The following GALNT17 variants were observed in gnomAD, a reference collection of about 807,000 sequenced individuals.
GALNT17 encodes the protein polypeptide N-acetylgalactosaminyltransferase 17.
A neutral mutation model predicts 63.7 loss-of-function variants in GALNT17; 29 were observed. The observed-to-expected ratio is 0.46, with a 90% CI of 0.34 to 0.62. The LOEUF is 0.62. Ranked by LOEUF, GALNT17 falls within the 20% of genes least tolerant of loss-of-function variation. The pLI is 0.01. For missense variants in GALNT17, 603 were observed against 799.6 expected (o/e 0.75, Z 2.97); for synonymous variants, 305 against 318.3 (o/e 0.96, Z 0.45).
intron 1 of GALNT17, among the ~76,000 whole-genome samples, chr7:71,185,907 T>C (rs569398084): frequency 6.6e-6 from 1 of 152,206 alleles, no homozygotes; most frequent in Non-Finnish European, 1.5e-5. Context: ...AGAGAAAATA[T>C]ATGAAGCACA....
chr7:71,305,572 G>A (rs1791275061), intron 1 of GALNT17, among the ~76,000 whole-genome samples: 1 of 152,134 alleles, frequency 6.6e-6, no homozygotes, highest in Non-Finnish European at 1.5e-5. Flanking sequence ...CAGGACCTCT[G>A]TAAGCCCCTT....
At chr7:71,629,796 C>A (rs1562716079) in intron 6 of GALNT17, among the ~76,000 whole-genome samples, 1 of 152,096 alleles carries the variant, frequency 6.6e-6, no homozygotes, top group African/African-American at 2.4e-5. Flanking sequence ...TATTTTTAAA[C>A]TTTTTTATAG....
intron 6 of GALNT17, among the ~76,000 whole-genome samples, chr7:71,613,379 T>C (rs1055491835): frequency 4.6e-5 from 7 of 152,320 alleles, no homozygotes; most frequent in Admixed American, 2.0e-4. Context: ...CAAACAGGAA[T>C]TGACCGTTTG....
intron 5 of GALNT17, among the ~76,000 whole-genome samples, chr7:71,565,858 T>G (rs1159743567): frequency 2.7e-5 from 4 of 150,900 alleles, no homozygotes; most frequent in Non-Finnish European, 4.4e-5. Flanking sequence ...TTTTTTTTTT[T>G]TTTGAAACGG....
At chr7:71,587,105 G>A (rs1362765195) in intron 6 of GALNT17, among the ~76,000 whole-genome samples, 1 of 152,036 alleles carries the variant, frequency 6.6e-6, no homozygotes, top group Non-Finnish European at 1.5e-5. Context: ...TCAGCTCACT[G>A]CAACCTCTGC....
intron 1 of GALNT17, among the ~76,000 whole-genome samples, chr7:71,280,061 A>G (rs1790753089): frequency 6.6e-6 from 1 of 152,108 alleles, no homozygotes. Flanking sequence ...GGTTATATGC[A>G]TGCTTTGTAC....
intron 1 of GALNT17, among the ~76,000 whole-genome samples, chr7:71,146,032 T>C (rs897252049): frequency 6.6e-6 from 1 of 151,928 alleles, no homozygotes; most frequent in Non-Finnish European, 1.5e-5. Context: ...TAAAGGAATA[T>C]TTCTATCCCT....
chr7:71,682,551 T>C (rs1791283117), intron 9 of GALNT17, among the ~76,000 whole-genome samples: 2 of 150,530 alleles, frequency 1.3e-5, no homozygotes, highest in Admixed American at 1.4e-4. Flanking sequence ...TTTCTTTTCT[T>C]TTCTCTTTTT....
At position 71,317,938 on chromosome 7, in the gene GALNT17, G is replaced by C. The variant is rs146856799; in HGVS notation, c.239-17612G>C. Among the ~76,000 whole-genome samples the C allele has an allele frequency of 7.9e-5, 12 of 152,108 alleles. No homozygotes were observed. In the East Asian group the frequency reaches 2.1e-3, roughly 27 times the overall value. ...TATTCATAATTTTTGGGGTGGGAGA[G>C]GGGGACAGGTTCTCACCCTGTGGCC... On this transcript the variant is annotated intron_variant, in intron 1 of 10. Coordinates refer to ENST00000333538, the MANE Select transcript of GALNT17 (RefSeq NM_022479.3).
chr7:71,237,072 G>A (rs1349510494), intron 1 of GALNT17, among the ~76,000 whole-genome samples: 2 of 152,122 alleles, frequency 1.3e-5, no homozygotes, highest in African/African-American at 2.4e-5. Context: ...ATTCTTTTTT[G>A]GGGGTCCAGA....
intron 1 of GALNT17, among the ~76,000 whole-genome samples, chr7:71,158,871 G>A (rs973806743): frequency 1.3e-5 from 2 of 151,762 alleles, no homozygotes; most frequent in Non-Finnish European, 2.9e-5. Context: ...CACCACGCCC[G>A]GCAATTTTTG....
chr7:71,341,572 T>A (rs1331719491), intron 2 of GALNT17, among the ~76,000 whole-genome samples: 1 of 152,192 alleles, frequency 6.6e-6, no homozygotes, highest in Non-Finnish European at 1.5e-5. Flanking sequence ...GCAGATTACA[T>A]ATAGTTGGCA....
At chr7:71,151,637 A>AG (rs535481003) in intron 1 of GALNT17, among the ~76,000 whole-genome samples, 8 of 151,496 alleles carry the variant, frequency 5.3e-5, no homozygotes, top group Non-Finnish European at 8.8e-5. Context: ...AGAAAAGAAA[A>AG]AAAAAAAAAA....
At chr7:71,667,525 AAATTT>A (rs1258025483) in intron 7 of GALNT17, among the ~76,000 whole-genome samples, 1 of 152,202 alleles carries the variant, frequency 6.6e-6, no homozygotes, top group East Asian at 1.9e-4. Flanking sequence ...TGGATTATTA[AAATTT>A]ATCTGATAGG....
At chr7:71,644,894 T>C (rs188665754) in intron 6 of GALNT17, among the ~76,000 whole-genome samples, 2 of 152,310 alleles carry the variant, frequency 1.3e-5, no homozygotes, top group East Asian at 3.9e-4. Context: ...GGTAAAAATA[T>C]GTTCCATGGT....
intron 1 of GALNT17, among the ~76,000 whole-genome samples, chr7:71,156,811 C>T (rs979888085): frequency 6.6e-6 from 1 of 151,568 alleles, no homozygotes; most frequent in African/African-American, 2.4e-5. Flanking sequence ...ACTCCAATCC[C>T]TGGGCTCAAG....
At chr7:71,201,693 A>G (rs939940327) in intron 1 of GALNT17, among the ~76,000 whole-genome samples, 2 of 150,120 alleles carry the variant, frequency 1.3e-5, no homozygotes, top group African/African-American at 2.5e-5. Flanking sequence ...TGCAAATGGC[A>G]TGCTTTCGGC....
intron 1 of GALNT17, among the ~76,000 whole-genome samples, chr7:71,329,639 A>G (rs1442843096): frequency 6.6e-6 from 1 of 152,100 alleles, no homozygotes; most frequent in Non-Finnish European, 1.5e-5. Context: ...CAATCTTCAC[A>G]TGGACAGAGC....
chr7:71,426,819 A>T (rs1583942785), intron 5 of GALNT17, among the ~76,000 whole-genome samples: 1 of 151,656 alleles, frequency 6.6e-6, no homozygotes, highest in South Asian at 2.1e-4. Flanking sequence ...ACTCGGGAGG[A>T]TGAGGCAGGA....
Sources: gnomAD v4.1 joint callset for allele counts (sites outside exome capture counted in the v4.1 genomes callset) on GRCh38, gnomAD v4.1.1 for gene constraint, MANE v1.5 for transcripts, NCBI Gene and HGNC (gene_info 2026-07-23, HGNC 2026-07-21) for gene names.